Variants in PLB1 observed in about 807,000 individuals in gnomAD.
The protein encoded by PLB1 is phospholipase B1, also known as phospholipase B1, membrane-associated.
A neutral mutation model predicts 227.4 loss-of-function variants in PLB1; 242 were observed. The ratio of observed to expected loss-of-function variants is 1.06; its 90% confidence interval spans 0.96 to 1.18. The LOEUF (loss-of-function observed/expected upper bound fraction) is 1.18. Ranked by LOEUF, PLB1 falls within the 50% of genes most tolerant of loss-of-function variation. The pLI, the probability that PLB1 is intolerant of heterozygous loss-of-function variation, is 0.00. For missense variants in PLB1, 1,858 were observed against 1,816.3 expected (o/e 1.02, Z -0.42); for synonymous variants, 757 against 682.2 (o/e 1.11, Z -1.71).
chr2:28,540,342 T>G, intron 11 of PLB1, 24 bp from the exon 12 acceptor site: 2 of 1,607,794 alleles, frequency 1.2e-6, no homozygotes, highest in Non-Finnish European at 1.7e-6. Context: ...CCCTCTCTCA[T>G]TCCTGGTGTG....
chr2:28,559,340 C>A (rs1337747250), intron 17 of PLB1, among the ~76,000 whole-genome samples: 2 of 152,258 alleles, frequency 1.3e-5, no homozygotes, highest in Non-Finnish European at 2.9e-5. Flanking sequence ...TCTGTGTTTT[C>A]ACAGGCTCTC....
intron 17 of PLB1, among the ~76,000 whole-genome samples, chr2:28,557,907 G>A (rs1436814646): frequency 6.6e-6 from 1 of 152,168 alleles, no homozygotes; most frequent in Non-Finnish European, 1.5e-5. Context: ...AATGTGATGT[G>A]CTCTATCTTA....
chr2:28,550,586 G>T (rs1448189410), intron 16 of PLB1, among the ~76,000 whole-genome samples: 1 of 149,922 alleles, frequency 6.7e-6, no homozygotes, highest in Non-Finnish European at 1.5e-5. Context: ...TGTCATCCAG[G>T]CTGGAGTGCA....
intron 42 of PLB1, 113 bp from the exon 43 acceptor site, chr2:28,606,383 A>T (rs1434844520): frequency 3.8e-6 from 4 of 1,063,846 alleles, no homozygotes; most frequent in Non-Finnish European, 5.6e-6. Flanking sequence ...GTGGGAGCCA[A>T]GCCCCCTGAA....
chr2:28,541,924 G>A, intron 13 of PLB1, 113 bp downstream of exon 13: 2 of 833,680 alleles, frequency 2.4e-6, no homozygotes, highest in South Asian at 1.6e-5. Flanking sequence ...CTTGAGATCA[G>A]GAGTTGAAGA....
chr2:28,525,217 G>A (rs1339655840), intron 4 of PLB1, 50 bp from the exon 5 acceptor site: 1 of 1,580,948 alleles, frequency 6.3e-7, no homozygotes, highest in Admixed American at 1.7e-5. Context: ...AACTAGAAGA[G>A]GCTCTGCCAC....
chr2:28,607,190 C>G (rs1490567282), intron 43 of PLB1, among the ~76,000 whole-genome samples: 1 of 152,216 alleles, frequency 6.6e-6, no homozygotes, highest in East Asian at 1.9e-4. Flanking sequence ...GTCTTCAGCT[C>G]CTGTTTCTAG....
chr2:28,573,402 C>CTT, intron 21 of PLB1, 97 bp downstream of exon 21: 1 of 895,964 alleles, frequency 1.1e-6, no homozygotes, highest in Non-Finnish European at 1.8e-6. Context: ...GGTTGAAGGG[C>CTT]TTTGTCAGAG....
intron 17 of PLB1, among the ~76,000 whole-genome samples, chr2:28,557,879 G>T (rs545604828): frequency 6.6e-6 from 1 of 152,192 alleles, no homozygotes; most frequent in Non-Finnish European, 1.5e-5. Flanking sequence ...CAAGGTCTAC[G>T]GAAAATTAGG....
chr2:28,553,737 T>C (rs1316145675), intron 17 of PLB1, among the ~76,000 whole-genome samples: 1 of 152,218 alleles, frequency 6.6e-6, no homozygotes, highest in Non-Finnish European at 1.5e-5. Context: ...GTTCGTTTAT[T>C]TACTCATTTG....
At chr2:28,569,966 AAAAAAAAAAAAAAGAAAG>A (rs2148250659) in intron 20 of PLB1, among the ~76,000 whole-genome samples, 1 of 49,078 alleles carries the variant, frequency 2.0e-5, no homozygotes, top group South Asian at 4.5e-4. Flanking sequence ...ACTCCATCTC[AAAAAAAAAAAAAAGAAAG>A]AAAAAAGAAA....
chr2:28,593,785 T>G (rs1553447147), intron 33 of PLB1, 31 bp downstream of exon 33: 10 of 1,582,182 alleles, frequency 6.3e-6, no homozygotes, highest in Middle Eastern at 1.7e-4. Flanking sequence ...CTCCCAGCGT[T>G]CCCCCCACAA....
chr2:28,621,041 C>A, intron 49 of PLB1, 63 bp downstream of exon 49: 2 of 1,411,504 alleles, frequency 1.4e-6, no homozygotes, highest in South Asian at 1.3e-5. Flanking sequence ...GGTGGGAAAC[C>A]GGAGGAGAGG....
chr2:28,504,981 G>C (rs1442081014), intron 1 of PLB1, among the ~76,000 whole-genome samples: 1 of 152,208 alleles, frequency 6.6e-6, no homozygotes, highest in East Asian at 1.9e-4. Context: ...AATGTCTTCA[G>C]AGAAGATATA....
rs1221226567 is a variant in PLB1, at chr2:28,625,077, G to A, written c.3548G>A (p.Trp1183Ter). ...CCTAGGGACATGCCAGCCCAGGCCT[G>A]GGACCTGGTAGAGCGAATGAAAAAC... Reference protein sequence around the residue: ...ARARDMPAQAWDLVERMKNSP... With the variant: ...ARARDMPAQA Residue 1183 changes from tryptophan (W) to a stop codon, truncating the protein, a stop_gained, in exon 50 of 58, where the codon TGG becomes TAG. Transcript: ENST00000327757. LOFTEE classifies it high-confidence loss of function. The A allele has an allele frequency of 1.9e-6, 3 of 1,613,580 alleles. No individual in the cohort carries two copies. Among genetic ancestry groups the A allele is most frequent in the Non-Finnish European group, 1.7e-6 (2 of 1,179,768 alleles).
Position 28,643,489 on chromosome 2 carries a change from C to T in PLB1, c.*428C>T. The T allele has an allele frequency of 6.0e-6, 1 of 166,652 alleles. No individual in the cohort carries two copies. The highest frequency in any genetic ancestry group is 2.9e-3 in the Middle Eastern group (1 of 344). 10.3% of individuals were successfully genotyped at this position (166,652 alleles called of 1,614,324 possible). On this transcript the variant is annotated 3_prime_UTR_variant, in exon 58 of 58. Coordinates refer to ENST00000327757, the MANE Select transcript of PLB1 (RefSeq NM_153021.5). The stretch of plus-strand genomic sequence containing the variant: ...CCAGGTGGTGGCTGGAATTTTGGAG[C>T]TGGCTGGTTGCCATTCAGTCCAATC...
intron 17 of PLB1, among the ~76,000 whole-genome samples, chr2:28,557,621 C>T (rs1281891497): frequency 1.3e-5 from 2 of 152,126 alleles, no homozygotes; most frequent in South Asian, 2.1e-4. Context: ...TGTGATGCTT[C>T]GTCATGGCTT....
intron 29 of PLB1, among the ~76,000 whole-genome samples, chr2:28,590,645 A>G (rs1468665464): frequency 2.0e-5 from 3 of 152,104 alleles, no homozygotes; most frequent in Non-Finnish European, 4.4e-5. Context: ...GTATACCCAG[A>G]GGGCTCCCAG....
intron 1 of PLB1, among the ~76,000 whole-genome samples, chr2:28,500,848 T>C (rs1306840599): frequency 6.6e-6 from 1 of 152,240 alleles, no homozygotes; most frequent in Non-Finnish European, 1.5e-5. Flanking sequence ...GCCAAAGTTA[T>C]TACAGATTTG....
Sources: allele counts gnomAD v4.1 joint callset (sites outside exome capture counted in the v4.1 genomes callset), GRCh38; gene constraint gnomAD v4.1.1; transcripts MANE v1.5; gene names NCBI Gene and HGNC (gene_info 2026-07-23, HGNC 2026-07-21).